The following RNF34 variants were observed in gnomAD, a reference collection of about 807,000 sequenced individuals.
The protein encoded by RNF34 is ring finger protein 34.
RNF34 carries 12 observed loss-of-function variants against 37.9 expected under a neutral mutation model. The ratio of observed to expected loss-of-function variants is 0.32; its 90% CI spans 0.20 to 0.51. The LOEUF (loss-of-function observed/expected upper bound fraction) is 0.51. Ranked by LOEUF, RNF34 falls within the 20% of genes least tolerant of loss-of-function variation. The pLI is 0.97. For missense variants in RNF34, 362 were observed against 472.7 expected, an observed-to-expected ratio of 0.77 and a Z score of 2.17; for synonymous variants, 155 against 177.2, an observed-to-expected ratio of 0.87 and a Z score of 1.00.
intron 5 of RNF34, among the ~76,000 whole-genome samples, chr12:121,422,458 A>G (rs782325994): frequency 3.9e-5 from 6 of 152,238 alleles, no homozygotes; most frequent in Non-Finnish European, 7.3e-5. Context: ...TGCCTTCTCC[A>G]TTGGCATATC....
At chr12:121,416,124 T>C (rs201536085) in intron 1 of RNF34, 35 bp from the exon 2 acceptor site, 1 of 1,573,440 alleles carries the variant, frequency 6.4e-7, no homozygotes, top group East Asian at 2.2e-5. Context: ...AGATTCCACT[T>C]AGCTTTAAAC....
Position 121,413,415 on chromosome 12 carries a change from C to CTTTTTTTTTTTTT in RNF34, c.7-2742_7-2730dup, listed in dbSNP as rs573738844. 5.0e-4 allele frequency among the ~76,000 whole-genome samples: 65 copies of CTTTTTTTTTTTTT among 130,666 alleles called. 1 individual carries two copies. The highest frequency in any genetic ancestry group is 1.7e-3 in the African/African-American group (52 of 31,156). 85.7% of individuals were successfully genotyped at this position (130,666 alleles called of 152,430 possible). A position where few individuals can be genotyped will look rare whatever the true frequency, so the allele number is the denominator to read the frequency against. ...ATGGACTGTTATAATTTTACCTGTC[C>CTTTTTTTTTTTTT]TTTTTTTTTTTTTTGAGACGGAGTT... is the stretch of plus-strand genomic sequence containing the variant. On this transcript the variant is annotated intron_variant, in intron 1 of 5. Transcript: ENST00000361234.
chr12:121,419,671 C>G (rs1390024196), intron 3 of RNF34, among the ~76,000 whole-genome samples: 1 of 152,154 alleles, frequency 6.6e-6, no homozygotes, highest in Non-Finnish European at 1.5e-5. Context: ...AGGTACATAA[C>G]CCAAACTGAA....
intron 1 of RNF34, chr12:121,409,776 A>G (rs4081775): frequency 0.31 from 47,283 of 152,160 alleles, 8,895 homozygotes; most frequent in East Asian, 0.43. Context: ...GCAGCTACGA[A>G]GGTACAGGAC....
At chr12:121,406,265 CTTA>C (rs1870521623) in intron 1 of RNF34, among the ~76,000 whole-genome samples, 2 of 99,632 alleles carry the variant, frequency 2.0e-5, no homozygotes, top group Admixed American at 9.5e-5. Context: ...AATTTGATTT[CTTA>C]TTATGGAATG....
intron 5 of RNF34, among the ~76,000 whole-genome samples, chr12:121,421,371 TAAAAAAAAAAAAAAA>T (rs11398833): frequency 1.3e-4 from 6 of 46,378 alleles, no homozygotes; most frequent in Non-Finnish European, 1.8e-4. Context: ...ATCCCATCTC[TAAAAAAAAAAAAAAA>T]AAAAAAAAAA....
At chr12:121,415,314 G>A (rs1405570253) in intron 1 of RNF34, 3 of 378,910 alleles carry the variant, frequency 7.9e-6, no homozygotes, top group Non-Finnish European at 1.1e-5. Context: ...AGAGGTTTAA[G>A]GAAATGAAGT....
chr12:121,424,302 A>G lies in RNF34; in HGVS notation c.*726A>G, dbSNP rs1372894898. ...ATAGTGAAGGTGTATTTTCAGTGCTACCCGCTAGCTGATTTTAACTTTAGG... is the reference window on the plus strand; with the variant it reads ...ATAGTGAAGGTGTATTTTCAGTGCTGCCCGCTAGCTGATTTTAACTTTAGG... On this transcript the variant is annotated 3_prime_UTR_variant, in exon 6 of 6. Coordinates refer to ENST00000361234, the MANE Select transcript of RNF34 (RefSeq NM_025126.4). The G allele has an allele frequency of 6.6e-6, 1 of 152,622 alleles. No individual in the cohort carries two copies. The allele number at this position is 152,622 out of a possible 1,614,324, so 9.5% of individuals were successfully genotyped here.
Position 121,423,069 on chromosome 12 carries a change from T to C in RNF34, c.929-317T>C, listed in dbSNP as rs1566237071. The stretch of plus-strand genomic sequence containing the variant: ...ACCAGCTGAGGGTTTCTTTTTCTAG[T>C]TACAGAAGTAATATATCCCTATCAC... On this transcript the variant is annotated intron_variant, in intron 5 of 5. Coordinates refer to ENST00000361234, the MANE Select transcript of RNF34 (RefSeq NM_025126.4). This position sits in a 1 kb window ranked among gnomAD's most constrained non-coding sequence, Gnocchi z 4.3. 6.6e-6 allele frequency among the ~76,000 whole-genome samples: 1 copy of C among 152,234 alleles called. No individual in the cohort carries two copies. Among genetic ancestry groups the C allele is most frequent in the Non-Finnish European group, 1.5e-5 (1 of 68,038 alleles).
chr12:121,410,259 G>T (rs567324827), intron 1 of RNF34, among the ~76,000 whole-genome samples: 1 of 150,492 alleles, frequency 6.6e-6, no homozygotes, highest in South Asian at 2.1e-4. Context: ...GCTGCATGGG[G>T]CTGGCGTGGT....
chr12:121,405,480 T>G (rs542768426), intron 1 of RNF34, among the ~76,000 whole-genome samples: 2 of 152,316 alleles, frequency 1.3e-5, no homozygotes, highest in African/African-American at 2.4e-5. Flanking sequence ...TCCATTTGTC[T>G]TCTTGCTTTT....
chr12:121,416,203 T>G lies in RNF34; in HGVS notation c.51T>G (p.Asn17Lys). The G allele has an allele frequency of 6.2e-7, 1 of 1,614,112 alleles. No homozygotes were observed. Among genetic ancestry groups the G allele is most frequent in the Non-Finnish European group, 8.5e-7 (1 of 1,180,026 alleles). The change falls in exon 2 of 6, where the codon AAT (asparagine) becomes AAG (lysine). Residue 17 changes from asparagine to lysine, a missense_variant. Coordinates refer to ENST00000361234, the MANE Select transcript of RNF34 (RefSeq NM_025126.4). ...SMWASCCGLL[N>K]EVMGTGAVRG... ...GGGCTTCGTGCTGTGGGCTGCTGAA[T>G]GAAGTCATGGGAACTGGAGCTGTCA...
chr12:121,419,947 T>C, intron 3 of RNF34: 1 of 298,158 alleles, frequency 3.4e-6, no homozygotes, highest in Non-Finnish European at 6.6e-6. Context: ...TCCCATATCC[T>C]TAATGGCTTT....
chr12:121,422,664 T>G (rs1181929464), intron 5 of RNF34, among the ~76,000 whole-genome samples: 16 of 152,250 alleles, frequency 1.1e-4, no homozygotes, highest in Admixed American at 9.2e-4. Flanking sequence ...TGATCTCCTC[T>G]GACCTGTAGA....
At chr12:121,420,177 A>C in intron 3 of RNF34, 65 bp from the exon 4 acceptor site, 2 of 1,463,790 alleles carry the variant, frequency 1.4e-6, no homozygotes, top group South Asian at 2.3e-5. Flanking sequence ...ATCAATGACA[A>C]GGTTTTCTCT....
chr12:121,412,771 C>T (rs551662505), intron 1 of RNF34, among the ~76,000 whole-genome samples: 74 of 146,742 alleles, frequency 5.0e-4, no homozygotes, highest in Non-Finnish European at 9.0e-4. Context: ...GTCACCCAGG[C>T]TGGAGTGCAG....
intron 1 of RNF34, among the ~76,000 whole-genome samples, chr12:121,400,762 A>G (rs529430682): frequency 2.6e-5 from 4 of 152,284 alleles, no homozygotes; most frequent in Admixed American, 2.6e-4. Context: ...CGCGAACTAG[A>G]GAAGGCTGGA....
In RNF34 at chr12:121,417,438, G is replaced by GGCC; in HGVS notation, c.226-66_226-65insGCC. On this transcript the variant is annotated intron_variant, in intron 2 of 5. Coordinates refer to ENST00000361234, the MANE Select transcript of RNF34 (RefSeq NM_025126.4). The surrounding 1 kb of genome is among the most constrained non-coding windows in gnomAD (Gnocchi z 5.0). Reference sequence around the variant, plus strand: ...TAAAATTAAATTTTAGTAGAAGGCAGAAAGAAAACTCATGCTTTCATAATG... The same window carrying GGCC: ...TAAAATTAAATTTTAGTAGAAGGCAGGCCAAAGAAAACTCATGCTTTCATAATG... 1 of 1,411,452 alleles carries GGCC rather than the reference G, an allele frequency of 7.1e-7. No homozygotes were observed. The highest frequency in any genetic ancestry group is 9.6e-7 in the Non-Finnish European group (1 of 1,037,956). 87.4% of individuals were successfully genotyped at this position (1,411,452 alleles called of 1,614,324 possible).
At position 121,417,995 on chromosome 12, in the gene RNF34, TTC is replaced by T; in HGVS notation, c.633+86_633+87del. On this transcript the variant is annotated intron_variant, in intron 3 of 5. Coordinates refer to ENST00000361234, the MANE Select transcript of RNF34 (RefSeq NM_025126.4). This position sits in a 1 kb window ranked among gnomAD's most constrained non-coding sequence, Gnocchi z 5.0. ...GGTGGGGCCTTTAGTGCTTGATGAC[TTC>T]TGATAAACTTCAAGTCATGTGCTGG... 1 of 1,394,076 alleles carries T rather than the reference TTC, an allele frequency of 7.2e-7. No homozygotes were observed. The highest frequency in any genetic ancestry group is 1.4e-5 in the African/African-American group (1 of 69,308). 86.4% of individuals were successfully genotyped at this position (1,394,076 alleles called of 1,614,324 possible). A position where few individuals can be genotyped will look rare whatever the true frequency, so the allele number is the denominator to read the frequency against.
Sources: allele counts gnomAD v4.1 joint callset (sites outside exome capture counted in the v4.1 genomes callset), GRCh38; gene constraint gnomAD v4.1.1; non-coding constraint Gnocchi (gnomAD v3.1); transcripts MANE v1.5; gene names NCBI Gene and HGNC (gene_info 2026-07-23, HGNC 2026-07-21).